The following LINGO2 variants were observed in gnomAD, a reference collection of about 807,000 sequenced individuals.
LINGO2 encodes leucine-rich repeat and immunoglobulin-like domain-containing nogo receptor-interacting protein 2.
LINGO2 carries 14 observed loss-of-function variants against 30.6 expected under a neutral mutation model. The ratio of observed to expected loss-of-function variants is 0.46; its 90% CI spans 0.30 to 0.72. The LOEUF is 0.72. LINGO2 is among the 30% of genes least tolerant of loss of function. The pLI is 0.07. For synonymous variants in LINGO2, 317 were observed against 288.5 expected (o/e 1.10, Z -1.00); for missense variants, 729 against 751.7 (o/e 0.97, Z 0.35).
the LINGO2 span, among the ~76,000 whole-genome samples, chr9:28,860,232 C>G: frequency 2.0e-5 from 3 of 152,034 alleles, no homozygotes; most frequent in Non-Finnish European, 2.9e-5. Flanking sequence ...GTGACTGCAC[C>G]ATAGTGCCCA....
In LINGO2 at chr9:28,361,888, G is replaced by C. The variant is rs560686850; in HGVS notation, c.-246+10948C>G. ...TCCATCTTTTAAAGATGAAGACACTGAATCTCGGGTTGAGTGATTTTCTAA... is the reference window on the plus strand; with the variant it reads ...TCCATCTTTTAAAGATGAAGACACTCAATCTCGGGTTGAGTGATTTTCTAA... On this transcript the variant is annotated intron_variant, in intron 3 of 5. Coordinates refer to ENST00000379992, the Ensembl canonical transcript of LINGO2. Among the ~76,000 whole-genome samples the C allele has an allele frequency of 1.1e-4, 17 of 152,300 alleles. No homozygotes were observed. The South Asian group carries it at 3.1e-3, about 28-fold the overall frequency.
intron 5 of LINGO2, among the ~76,000 whole-genome samples, chr9:27,989,853 A>C (rs772288521): frequency 8.6e-5 from 13 of 151,996 alleles, no homozygotes; most frequent in Non-Finnish European, 1.5e-4. Context: ...ATTTAAACTC[A>C]GGTTTTATGA....
At chr9:28,344,377 G>GTTA (rs1193580837) in intron 3 of LINGO2, among the ~76,000 whole-genome samples, 1 of 152,090 alleles carries the variant, frequency 6.6e-6, no homozygotes, top group East Asian at 1.9e-4. Flanking sequence ...ATATGGTTAT[G>GTTA]TTATTAAGTG....
At chr9:28,961,164 G>T in the LINGO2 span, among the ~76,000 whole-genome samples, 2 of 152,124 alleles carry the variant, frequency 1.3e-5, no homozygotes, top group Non-Finnish European at 2.9e-5. Context: ...TTCTCTAGAT[G>T]GCAATACAAT....
chr9:28,766,391 A>G, the LINGO2 span, among the ~76,000 whole-genome samples: 2 of 151,824 alleles, frequency 1.3e-5, no homozygotes, highest in Non-Finnish European at 2.9e-5. Context: ...CAAAGCCACA[A>G]TGTGATATCA....
the LINGO2 span, among the ~76,000 whole-genome samples, chr9:29,114,178 A>AC: frequency 6.7e-6 from 1 of 150,240 alleles, no homozygotes; most frequent in African/African-American, 2.5e-5. Flanking sequence ...AATAATATAT[A>AC]TATTTTTTTT....
the LINGO2 span, among the ~76,000 whole-genome samples, chr9:29,023,825 A>G: frequency 1.3e-5 from 2 of 152,156 alleles, no homozygotes; most frequent in African/African-American, 2.4e-5. Flanking sequence ...TTACAGGCCA[A>G]AAAATTATAT....
At chr9:28,618,047 A>G (rs753001457) in intron 1 of LINGO2, among the ~76,000 whole-genome samples, 1 of 152,182 alleles carries the variant, frequency 6.6e-6, no homozygotes, top group Non-Finnish European at 1.5e-5. Flanking sequence ...AGAACCTTCA[A>G]CTAGGAACTG....
chr9:28,425,935 C>A (rs1823392629), intron 2 of LINGO2, among the ~76,000 whole-genome samples: 1 of 151,846 alleles, frequency 6.6e-6, no homozygotes, highest in South Asian at 2.1e-4. Context: ...GCCTATTCAG[C>A]TTGCTTCTTT....
rs199612739 is a variant in LINGO2, at chr9:28,368,600, T to C, written c.-246+4236A>G. Among the ~76,000 whole-genome samples, 494 of 150,006 alleles carry C rather than the reference T, an allele frequency of 3.3e-3. 1 individual carries two copies. Among genetic ancestry groups the C allele is most frequent in the African/African-American group, 8.1e-3 (333 of 40,880 alleles). On this transcript the variant is annotated intron_variant, in intron 3 of 5. Coordinates refer to ENST00000379992, the Ensembl canonical transcript of LINGO2. ...CTTTCTCTTCTTTTCTTTTCTTTTT[T>C]TTTTTTTTCTTTTTGAGACGGAGTC...
At chr9:28,482,868 G>A (rs987925003) in intron 1 of LINGO2, among the ~76,000 whole-genome samples, 2 of 152,064 alleles carry the variant, frequency 1.3e-5, no homozygotes, top group African/African-American at 2.4e-5. Flanking sequence ...AGACTTAAAC[G>A]TTAGACCTAA....
rs575473235 is a variant in LINGO2 at position 28,109,934 on chromosome 9, C to G, written c.-86-97529G>C. ...GGAACCAAAACAGAGCCCAAATAGCCAAGACAATTCTAAGCATAAAGAACA... is the reference window on the plus strand; with the variant it reads ...GGAACCAAAACAGAGCCCAAATAGCGAAGACAATTCTAAGCATAAAGAACA... On this transcript the variant is annotated intron_variant, in intron 4 of 5. Transcript: ENST00000379992. 2.0e-5 allele frequency among the ~76,000 whole-genome samples: 3 copies of G among 152,060 alleles called. No homozygotes were observed. In the South Asian group the frequency reaches 6.2e-4, roughly 32 times the overall value.
intron 2 of LINGO2, among the ~76,000 whole-genome samples, chr9:28,383,523 A>T (rs1002496553): frequency 5.3e-5 from 8 of 151,994 alleles, no homozygotes; most frequent in African/African-American, 1.9e-4. Context: ...CAAACTCCTC[A>T]GGGGATCTCT....
At chr9:28,508,478 TTC>T (rs1404187597) in intron 1 of LINGO2, among the ~76,000 whole-genome samples, 1 of 152,238 alleles carries the variant, frequency 6.6e-6, no homozygotes, top group East Asian at 1.9e-4. Context: ...TTTTCTCACC[TTC>T]TCTCTTTTTT....
chr9:28,128,121 A>C (rs1827290791), intron 4 of LINGO2, among the ~76,000 whole-genome samples: 1 of 152,232 alleles, frequency 6.6e-6, no homozygotes, highest in Non-Finnish European at 1.5e-5. Context: ...CAGGAAGGTA[A>C]GTTAAAAATA....
At chr9:28,588,580 C>G (rs1824692474) in intron 1 of LINGO2, among the ~76,000 whole-genome samples, 3 of 149,618 alleles carry the variant, frequency 2.0e-5, no homozygotes, top group Non-Finnish European at 4.4e-5. Context: ...ACAAATATCT[C>G]TTTAATGAGT....
intron 2 of LINGO2, among the ~76,000 whole-genome samples, chr9:28,389,769 G>T (rs1821751091): frequency 6.6e-6 from 1 of 152,154 alleles, no homozygotes; most frequent in Non-Finnish European, 1.5e-5. Flanking sequence ...AAACTATTTT[G>T]CATTCAACAG....
intron 4 of LINGO2, among the ~76,000 whole-genome samples, chr9:28,254,892 A>G (rs981551453): frequency 6.6e-6 from 1 of 151,982 alleles, no homozygotes; most frequent in African/African-American, 2.4e-5. Context: ...TGCATTAGTT[A>G]TTTTTCCTGA....
At position 28,642,920 on chromosome 9, in the gene LINGO2, C is replaced by T. The variant is rs4576503; in HGVS notation, c.-365+27280G>A. 3.7e-4 allele frequency among the ~76,000 whole-genome samples: 56 copies of T among 151,902 alleles called. No homozygotes were observed. The South Asian group carries it at 7.1e-3, about 19-fold the overall frequency. On this transcript the variant is annotated intron_variant, in intron 1 of 5. Coordinates refer to ENST00000379992, the Ensembl canonical transcript of LINGO2. ...ACTGAAGGTCATACCCACTAATATA[C>T]ATATATATGATGAATAAATTAACAA...
Sources: gnomAD v4.1 joint callset for allele counts (sites outside exome capture counted in the v4.1 genomes callset) on GRCh38, gnomAD v4.1.1 for gene constraint, MANE v1.5 for transcripts, NCBI Gene and HGNC (gene_info 2026-07-23, HGNC 2026-07-21) for gene names.